The following CDON variants were observed in gnomAD, a reference collection of about 807,000 sequenced individuals.
CDON encodes cell adhesion molecule-related/down-regulated by oncogenes.
CDON carries 73 observed loss-of-function variants against 120.9 expected under a neutral mutation model. That is an observed-to-expected ratio of 0.60 (90% confidence interval 0.50 to 0.73). CDON has a LOEUF of 0.73. Ranked by LOEUF, CDON falls within the 30% of genes least tolerant of loss-of-function variation. The pLI is 0.00. For synonymous variants in CDON, 566 were observed against 573.5 expected (o/e 0.99, Z 0.19); for missense variants, 1,470 against 1,587.3 (o/e 0.93, Z 1.26).
chr11:125,971,312 G>A (rs564510970), intron 18 of CDON, among the ~76,000 whole-genome samples: 18 of 152,048 alleles, frequency 1.2e-4, no homozygotes, highest in Non-Finnish European at 1.9e-4. Flanking sequence ...GAACCTGGGA[G>A]GTGGAGCTTG....
At chr11:126,010,258 T>C in intron 8 of CDON, 83 bp downstream of exon 8, 1 of 994,858 alleles carries the variant, frequency 1.0e-6, no homozygotes, top group Non-Finnish European at 1.5e-6. Context: ...CTGGATTCAT[T>C]AAAATAACAT....
chr11:126,012,716 C>A (rs890738083), intron 7 of CDON, among the ~76,000 whole-genome samples: 6 of 152,082 alleles, frequency 3.9e-5, no homozygotes, highest in African/African-American at 1.4e-4. Flanking sequence ...GCCAAGGCAA[C>A]TGATTTTTGT....
chr11:126,018,552 A>T, intron 4 of CDON, 79 bp from the exon 5 acceptor site: 1 of 1,194,768 alleles, frequency 8.4e-7, no homozygotes, highest in South Asian at 1.2e-5. Flanking sequence ...ACAAAGGCTG[A>T]TCATTATGCT....
At chr11:126,031,099 G>T (rs946397309) in intron 1 of CDON, among the ~76,000 whole-genome samples, 1 of 152,182 alleles carries the variant, frequency 6.6e-6, no homozygotes, top group Admixed American at 6.5e-5. Context: ...AGAGTAAAAA[G>T]TATTGAAAGA....
chr11:125,986,034 C>G (rs1270636451), intron 15 of CDON, among the ~76,000 whole-genome samples: 1 of 152,202 alleles, frequency 6.6e-6, no homozygotes, highest in Non-Finnish European at 1.5e-5. Context: ...TAGTGCGGCA[C>G]TATTCACAAT....
intron 1 of CDON, among the ~76,000 whole-genome samples, chr11:126,058,556 C>T (rs1412332083): frequency 3.3e-5 from 5 of 152,054 alleles, no homozygotes; most frequent in Non-Finnish European, 4.4e-5. Flanking sequence ...GGGAGTAGGA[C>T]GGAAAAGACT....
chr11:126,014,506 A>T (rs1250923384), intron 7 of CDON, among the ~76,000 whole-genome samples: 1 of 152,182 alleles, frequency 6.6e-6, no homozygotes, highest in Non-Finnish European at 1.5e-5. Flanking sequence ...TGATTCAGTA[A>T]TCTCTACCAA....
chr11:125,994,458 T>C (rs1025803328), intron 13 of CDON, 69 bp from the exon 14 acceptor site: 1 of 866,262 alleles, frequency 1.2e-6, no homozygotes, highest in Non-Finnish European at 1.9e-6. Flanking sequence ...TTAAGGTTTC[T>C]TTATCTACTT....
chr11:126,057,077 A>C (rs1249823667), intron 1 of CDON, among the ~76,000 whole-genome samples: 1 of 152,210 alleles, frequency 6.6e-6, no homozygotes, highest in African/African-American at 2.4e-5. Context: ...AAATGAATAC[A>C]GTTTTCAAAG....
chr11:126,001,622 A>G (rs1372172089), intron 11 of CDON, 97 bp downstream of exon 11: 18 of 1,009,364 alleles, frequency 1.8e-5, no homozygotes, highest in Non-Finnish European at 2.5e-5. Context: ...ATGGTAAGAT[A>G]TGAAAATAAA....
chr11:126,005,991 C>A lies in CDON; in HGVS notation c.1619G>T (p.Arg540Ile), dbSNP rs148304849. ...TLPDAAQNDD[R>I]SKRDGSETGL... The stretch of plus-strand genomic sequence containing the variant: ...AGTTTCTGAACCATCTCTCTTACTT[C>A]TGTCATCATTCTGAGCAGCATCAGG... Residue 540 changes from arginine to isoleucine, a missense_variant, in exon 9 of 20, where the codon AGA (arginine) becomes ATA (isoleucine). Physicochemically the swap from Arg to Ile is moderately conservative, Grantham distance 97. Coordinates refer to ENST00000531738, the MANE Select transcript of CDON (RefSeq NM_001378964.1). 4.5e-5 allele frequency: 73 copies of A among 1,614,022 alleles called. No individual in the cohort carries two copies. The highest frequency in any genetic ancestry group is 5.8e-5 in the Non-Finnish European group (69 of 1,180,014).
At chr11:126,048,149 C>A (rs1420309845) in intron 1 of CDON, among the ~76,000 whole-genome samples, 1 of 151,902 alleles carries the variant, frequency 6.6e-6, no homozygotes, top group Non-Finnish European at 1.5e-5. Context: ...TGGTGGCACA[C>A]ACCTGTAGTC....
chr11:125,982,791 A>T (rs983408492), intron 16 of CDON, among the ~76,000 whole-genome samples: 2 of 152,188 alleles, frequency 1.3e-5, no homozygotes, highest in Non-Finnish European at 2.9e-5. Context: ...TTCAACACGC[A>T]CTCACACAAT....
rs1003093184 is a variant in CDON, at chr11:126,062,650, TC to T, written c.-134del. 2.0e-5 allele frequency: 3 copies of T among 153,154 alleles called. No individual in the cohort carries two copies. Among genetic ancestry groups the T allele is most frequent in the Non-Finnish European group, 4.3e-5 (3 of 69,952 alleles). 9.5% of individuals were successfully genotyped at this position (153,154 alleles called of 1,614,324 possible). Reference sequence around the variant, plus strand: ...GGCTCGGAAAGCCACCCCCAGGTCATCCCCCCGCGCGCGCGCGGCGGCGGCT... The same window carrying T: ...GGCTCGGAAAGCCACCCCCAGGTCATCCCCCGCGCGCGCGCGGCGGCGGCT... On this transcript the variant is annotated 5_prime_UTR_variant, in exon 1 of 20. It removes the in-frame stop codon of an upstream open reading frame in the 5' UTR. Transcript: ENST00000531738.
intron 1 of CDON, among the ~76,000 whole-genome samples, chr11:126,049,276 G>A (rs563246264): frequency 2.6e-5 from 4 of 152,046 alleles, no homozygotes; most frequent in Non-Finnish European, 5.9e-5. Flanking sequence ...TCATTAAGAG[G>A]GCCTGGTTCT....
intron 18 of CDON, among the ~76,000 whole-genome samples, chr11:125,971,190 T>G (rs7925846): frequency 1.3e-5 from 2 of 152,080 alleles, no homozygotes; most frequent in Non-Finnish European, 2.9e-5. Flanking sequence ...AAGACCATCC[T>G]GGCTAACACA....
intron 18 of CDON, among the ~76,000 whole-genome samples, chr11:125,975,441 G>GTAATAGTATT (rs58052835): frequency 0.41 from 62,063 of 151,856 alleles, 12,883 homozygotes; most frequent in African/African-American, 0.47. Flanking sequence ...CTATTATTAA[G>GTAATAGTATT]TAATAGGACT....
chr11:126,009,583 T>G (rs1947233371), intron 8 of CDON, among the ~76,000 whole-genome samples: 1 of 152,216 alleles, frequency 6.6e-6, no homozygotes, highest in Non-Finnish European at 1.5e-5. Context: ...AGAGCCACGC[T>G]AAGCCCCTTA....
At chr11:125,962,506 T>C (rs1313856720) in intron 18 of CDON, among the ~76,000 whole-genome samples, 1 of 152,248 alleles carries the variant, frequency 6.6e-6, no homozygotes, top group Non-Finnish European at 1.5e-5. Flanking sequence ...GCTATAAGGA[T>C]TAGACATTCA....
Sources: gnomAD v4.1 joint callset for allele counts (sites outside exome capture counted in the v4.1 genomes callset) on GRCh38, gnomAD v4.1.1 for gene constraint, MANE v1.5 for transcripts, NCBI Gene and HGNC (gene_info 2026-07-23, HGNC 2026-07-21) for gene names.